The following BAP1 variants were observed in gnomAD, a reference collection of about 807,000 sequenced individuals.
BAP1 encodes BRCA1 associated deubiquitinase 1.
In BAP1, 16 loss-of-function variants were observed where a neutral mutation model predicts 77.2. That is an observed-to-expected ratio of 0.21 (90% CI 0.14 to 0.31). The LOEUF is 0.31. Ranked by LOEUF, BAP1 falls within the 10% of genes least tolerant of loss-of-function variation. The probability of loss-of-function intolerance (pLI) is 1.00; values close to 1 mark genes in which losing one functional copy is unlikely to be tolerated. For synonymous variants in BAP1, 362 were observed against 385.2 expected (o/e 0.94, Z 0.71); for missense variants, 699 against 967.3 (o/e 0.72, Z 3.68).
At position 52,409,807 on chromosome 3, in the gene BAP1, T is replaced by A. The variant is rs199750231; in HGVS notation, c.37+35A>T. The A allele has an allele frequency of 5.8e-5, 94 of 1,612,738 alleles. No homozygotes were observed. The highest frequency in any genetic ancestry group is 7.8e-5 in the Non-Finnish European group (92 of 1,179,908). On this transcript the variant is annotated intron_variant, in intron 1 of 16. Coordinates refer to ENST00000460680, the MANE Select transcript of BAP1 (RefSeq NM_004656.4). ...AGGCGCGTCCCGGGCCCATCCGGCC[T>A]CCCCAGCCCCTGGCCCTCCCGGTCC...
At chr3:52,408,676 C>T (rs1406929697) in intron 3 of BAP1, 70 bp from the exon 4 acceptor site, 23 of 1,536,636 alleles carry the variant, frequency 1.5e-5, no homozygotes, top group Non-Finnish European at 1.9e-5. Flanking sequence ...CTTCTTTCTC[C>T]CATTAATCCT....
chr3:52,404,026 C>G, intron 12 of BAP1, 132 bp from the exon 13 acceptor site: 1 of 896,240 alleles, frequency 1.1e-6, no homozygotes, highest in South Asian at 1.5e-5. Flanking sequence ...GTCCAAGCAA[C>G]TTGAACTAGC....
chr3:52,402,062 G>A lies in BAP1; in HGVS notation c.*226C>T, dbSNP rs1471727746. ...GTGGAGGAAGCTGCAGTACCTCGCT[G>A]TGCCCCAACTCCAGATGCTGCCTCC... is the stretch of plus-strand genomic sequence containing the variant. On this transcript the variant is annotated 3_prime_UTR_variant, in exon 17 of 17. Transcript: ENST00000460680. The surrounding 1 kb of genome is among the most constrained non-coding windows in gnomAD (Gnocchi z 5.3). 2 of 732,256 alleles carry A rather than the reference G, an allele frequency of 2.7e-6. No homozygotes were observed. Among genetic ancestry groups the A allele is most frequent in the East Asian group, 2.7e-5 (1 of 36,566 alleles). The allele number at this position is 732,256 out of a possible 1,614,324, so 45.4% of individuals were successfully genotyped here. A position where few individuals can be genotyped will look rare whatever the true frequency, so the allele number is the denominator to read the frequency against.
At position 52,402,316 on chromosome 3, in the gene BAP1, G is replaced by C. The variant is rs1553644521; in HGVS notation, c.2162C>G (p.Ser721Cys). 1.3e-6 allele frequency: 2 copies of C among 1,597,172 alleles called. No individual in the cohort carries two copies. Among genetic ancestry groups the C allele is most frequent in the Non-Finnish European group, 1.7e-6 (2 of 1,173,440 alleles). The stretch of plus-strand genomic sequence containing the variant: ...CTGGCGCTTGGCCTTGTAGGGGCGA[G>C]AGCGTTTCCGCCGGTCAGGCTTCCG... ...KQRKPDRRKR[S>C]RPYKAKRQ Residue 721 changes from serine to cysteine, a missense_variant, in exon 17 of 17, where the codon TCT becomes TGT. Physicochemically the swap from Ser to Cys is moderately radical, Grantham distance 112 (BLOSUM62 -1). Coordinates refer to ENST00000460680, the MANE Select transcript of BAP1 (RefSeq NM_004656.4). This position sits in a 1 kb window ranked among gnomAD's most constrained non-coding sequence, Gnocchi z 5.3.
Position 52,409,869 on chromosome 3 carries a change from C to A in BAP1, c.10G>T (p.Gly4Cys). 6.2e-7 allele frequency: 1 copy of A among 1,609,930 alleles called. No individual in the cohort carries two copies. Among genetic ancestry groups the A allele is most frequent in the Non-Finnish European group, 8.5e-7 (1 of 1,179,918 alleles). Residue 4 changes from glycine to cysteine, a missense_variant, in exon 1 of 17, where the codon GGC becomes TGC. By Grantham distance (159) the Gly-to-Cys change is radical. Transcript: ENST00000460680. The part of the protein sequence containing the change: MNK[G>C]WLELESDPGL... The stretch of plus-strand genomic sequence containing the variant: ...GGGTCGCTCTCCAGCTCCAGCCAGC[C>A]CTTATTCATCTTCCCGCGGGGCGGC...
In BAP1 at chr3:52,405,209, T is replaced by C. The variant is rs779774919; in HGVS notation, c.1017A>G (p.Pro339=). The C allele has an allele frequency of 1.2e-6, 2 of 1,614,106 alleles. No homozygotes were observed. The highest frequency in any genetic ancestry group is 1.3e-5 in the African/African-American group (1 of 75,056). The change falls in exon 11 of 17, where the codon CCA becomes CCG. Residue 339 remains proline, a synonymous_variant. Coordinates refer to ENST00000460680, the MANE Select transcript of BAP1 (RefSeq NM_004656.4). ...PNKPKLVVKP[P]GSSLNGVHPN... ...GGTGAACCCCATTGAGGCTGCTGCC[T>C]GGAGGCTTCACCACTAGCTTGGGTT...
Position 52,409,863 on chromosome 3 carries a change from G to A in BAP1, c.16C>T (p.Leu6=), listed in dbSNP as rs765474011. The change falls in exon 1 of 17, where the codon CTG becomes TTG. Residue 6 remains leucine (L), a synonymous_variant. Coordinates refer to ENST00000460680, the MANE Select transcript of BAP1 (RefSeq NM_004656.4). MNKGW[L]ELESDPGLFT... ...TCACCTGGGTCGCTCTCCAGCTCCA[G>A]CCAGCCCTTATTCATCTTCCCGCGG... The A allele has an allele frequency of 1.2e-6, 2 of 1,610,480 alleles. No individual in the cohort carries two copies. The highest frequency in any genetic ancestry group is 1.7e-6 in the Non-Finnish European group (2 of 1,179,922).
intron 1 of BAP1, 21 bp from the exon 2 acceptor site, chr3:52,409,764 AG>A: frequency 6.2e-7 from 1 of 1,613,626 alleles, no homozygotes; most frequent in South Asian, 1.1e-5. Flanking sequence ...CGACAAGAGG[AG>A]GGGGTGATGG....
rs964152039 is a variant in BAP1, at chr3:52,403,147, G to A, written c.1881C>T (p.Tyr627=). ...CACAACGGAGGCTCACCTTGGGTGA[G>A]TATTTCTCCCCACTCAAGGGCTCGC... The part of the protein sequence containing the change: ...RPGEPLSGEK[Y]SPKELLALLK... Residue 627 remains tyrosine, a synonymous_variant, in exon 14 of 17, where the codon TAC becomes TAT. Coordinates refer to ENST00000460680, the MANE Select transcript of BAP1 (RefSeq NM_004656.4). The surrounding 1 kb of genome is among the most constrained non-coding windows in gnomAD (Gnocchi z 4.0). The A allele has an allele frequency of 3.7e-6, 6 of 1,613,372 alleles. No individual in the cohort carries two copies. Among genetic ancestry groups the A allele is most frequent in the African/African-American group, 2.7e-5 (2 of 74,940 alleles).
In BAP1 at chr3:52,406,319, G is replaced by C. The variant is rs2153227463; in HGVS notation, c.717C>G (p.Ile239Met). Residue 239 changes from isoleucine to methionine, a missense_variant, in exon 9 of 17, where the codon ATC becomes ATG. Around this residue, in one of 3 missense-constraint regions of BAP1, gnomAD observed 475 missense variants for 532.4 expected, o/e 0.89. Coordinates refer to ENST00000460680, the MANE Select transcript of BAP1 (RefSeq NM_004656.4). This position sits in a 1 kb window ranked among gnomAD's most constrained non-coding sequence, Gnocchi z 4.6. ...GCACATGCAGCCTGGCCTCATACTTGATCCTGCGGTCGGGCACCACTGCCA... is the reference window on the plus strand; with the variant it reads ...GCACATGCAGCCTGGCCTCATACTTCATCCTGCGGTCGGGCACCACTGCCA... ...NLMAVVPDRR[I>M]KYEARLHVLK... The C allele has an allele frequency of 6.2e-7, 1 of 1,614,192 alleles. No homozygotes were observed. The highest frequency in any genetic ancestry group is 8.5e-7 in the Non-Finnish European group (1 of 1,180,034).
chr3:52,406,486 T>C lies in BAP1; in HGVS notation c.660-110A>G. On this transcript the variant is annotated intron_variant, in intron 8 of 16. Coordinates refer to ENST00000460680, the MANE Select transcript of BAP1 (RefSeq NM_004656.4). This position sits in a 1 kb window ranked among gnomAD's most constrained non-coding sequence, Gnocchi z 4.6. ...GCAGTCACACCTGCAGCTGTAGGTA[T>C]AGGCCCCACCCCAACAGGCAGGCAG... 1.3e-6 allele frequency: 2 copies of C among 1,532,044 alleles called. No homozygotes were observed. Among genetic ancestry groups the C allele is most frequent in the Non-Finnish European group, 1.8e-6 (2 of 1,131,390 alleles). 94.9% of individuals were successfully genotyped at this position (1,532,044 alleles called of 1,614,324 possible).
rs1553646027 is a variant in BAP1 at position 52,408,558 on chromosome 3, C to G, written c.171G>C (p.Arg57=). 2.5e-6 allele frequency: 4 copies of G among 1,611,192 alleles called. No homozygotes were observed. Among genetic ancestry groups the G allele is most frequent in the African/African-American group, 1.3e-5 (1 of 75,054 alleles). ...CCAAGGTAGAGACCTTTCGCCGGGA[C>G]CGGCGCTCTTCGATCCATTTGAACA... is the stretch of plus-strand genomic sequence containing the variant. The part of the protein sequence containing the change: ...IFLFKWIEER[R]SRRKVSTLVD... Residue 57 remains arginine, a synonymous_variant, in exon 4 of 17, where the codon CGG becomes CGC. Coordinates refer to ENST00000460680, the MANE Select transcript of BAP1 (RefSeq NM_004656.4).
chr3:52,402,553 A>T lies in BAP1; in HGVS notation c.2056+49T>A, dbSNP rs1328847539. On this transcript the variant is annotated intron_variant, in intron 16 of 16. Transcript: ENST00000460680. The surrounding 1 kb of genome is among the most constrained non-coding windows in gnomAD (Gnocchi z 5.3). ...GGCCAGGGGAGGGGAGCTGAAGGAC[A>T]CGGCCCTCAGCAGGGCATTCCAGTT... 2 of 1,611,974 alleles carry T rather than the reference A, an allele frequency of 1.2e-6. No homozygotes were observed. The highest frequency in any genetic ancestry group is 1.7e-6 in the Non-Finnish European group (2 of 1,178,236).
At position 52,402,509 on chromosome 3, in the gene BAP1, C is replaced by A. The variant is rs901159797; in HGVS notation, c.2057-88G>T. 6.2e-7 allele frequency: 1 copy of A among 1,607,866 alleles called. No homozygotes were observed. Among genetic ancestry groups the A allele is most frequent in the East Asian group, 2.2e-5 (1 of 44,522 alleles). On this transcript the variant is annotated intron_variant, in intron 16 of 16. Transcript: ENST00000460680. The surrounding 1 kb of genome is among the most constrained non-coding windows in gnomAD (Gnocchi z 5.3). ...CATGGCCCTCCCTGTGCCCCAAGGT[C>A]TGCTCAAGCCTCAGGAGAGGCCAGG...
At chr3:52,407,746 C>T (rs1705211520) in intron 5 of BAP1, among the ~76,000 whole-genome samples, 1 of 152,206 alleles carries the variant, frequency 6.6e-6, no homozygotes, top group Non-Finnish European at 1.5e-5. Flanking sequence ...AGGAAACTCT[C>T]CTCCCTCCCT....
At chr3:52,407,032 T>C (rs1705186687) in intron 7 of BAP1, 125 bp from the exon 8 acceptor site, 2 of 1,500,370 alleles carry the variant, frequency 1.3e-6, no homozygotes, top group African/African-American at 1.4e-5. Context: ...GGCAATATGG[T>C]GTAGGGTGAA....
rs1208026193 is a variant in BAP1, at chr3:52,409,741, G to A, written c.40C>T (p.Leu14Phe). The A allele has an allele frequency of 6.2e-7, 1 of 1,614,014 alleles. No homozygotes were observed. Among genetic ancestry groups the A allele is most frequent in the Non-Finnish European group, 8.5e-7 (1 of 1,179,966 alleles). ...GWLELESDPG[L>F]FTLLVEDFGV... The stretch of plus-strand genomic sequence containing the variant: ...AAATCTTCCACGAGCAGGGTGAAGA[G>A]GCCTGGGTGGGGCGACAAGAGGAGG... The change falls in exon 2 of 17, where the codon CTC (leucine) becomes TTC (phenylalanine). Residue 14 changes from leucine (L) to phenylalanine (F), a missense_variant and splice_region_variant. Leu to Phe is a conservative substitution (Grantham distance 22). Transcript: ENST00000460680.
intron 7 of BAP1, 48 bp downstream of exon 7, chr3:52,407,126 A>AG: frequency 6.2e-7 from 1 of 1,611,644 alleles, no homozygotes; most frequent in Non-Finnish European, 8.5e-7. Context: ...CCAGCTCCCT[A>AG]GGAGGTAGGC....
At position 52,403,897 on chromosome 3, in the gene BAP1, G is replaced by A. The variant is rs767276752; in HGVS notation, c.1251-3C>T. The A allele has an allele frequency of 3.1e-6, 5 of 1,613,478 alleles. No individual in the cohort carries two copies. Among genetic ancestry groups the A allele is most frequent in the Admixed American group, 1.7e-5 (1 of 59,992 alleles). On this transcript the variant is annotated splice_polypyrimidine_tract_variant and splice_region_variant and intron_variant, in intron 12 of 16. Transcript: ENST00000460680. The surrounding 1 kb of genome is among the most constrained non-coding windows in gnomAD (Gnocchi z 4.0). Reference sequence around the variant, plus strand: ...TCCCTGTTCCCTTCCCCTTATACCTGTGGGGCCCGAGAAGATGTGAAGCAA... The same window carrying A: ...TCCCTGTTCCCTTCCCCTTATACCTATGGGGCCCGAGAAGATGTGAAGCAA...
Sources: allele counts gnomAD v4.1 joint callset (sites outside exome capture counted in the v4.1 genomes callset), GRCh38; gene constraint gnomAD v4.1.1; regional missense constraint gnomAD v4.1.1; non-coding constraint Gnocchi (gnomAD v3.1); transcripts MANE v1.5; gene names NCBI Gene and HGNC (gene_info 2026-07-23, HGNC 2026-07-21).